Variants in COG3 observed in about 807,000 individuals in gnomAD.
The protein encoded by COG3 is component of oligomeric golgi complex 3, also known as conserved oligomeric Golgi complex subunit 3.
Under a neutral mutation model 114.1 loss-of-function variants are expected in COG3, and 32 were observed. That is an observed-to-expected ratio of 0.28 (90% CI 0.21 to 0.38). COG3 has a LOEUF of 0.38. Ranked by LOEUF, COG3 falls within the 10% of genes least tolerant of loss-of-function variation. COG3 has a pLI of 1.00. For missense variants in COG3, 813 were observed against 973.2 expected (o/e 0.84, Z 2.19); for synonymous variants, 352 against 365.7 (o/e 0.96, Z 0.43).
Position 45,486,542 on chromosome 13 carries a change from T to C in COG3, c.891T>C (p.Tyr297=). The change falls in exon 8 of 23, where the codon TAT becomes TAC. Residue 297 remains tyrosine, a synonymous_variant. Transcript: ENST00000349995. Reference sequence around the variant, plus strand: ...CAGACAATGCCTTCACATTATTTTATGTGAAATTTCGAGCTGCTGCCCCCA... The same window carrying C: ...CAGACAATGCCTTCACATTATTTTACGTGAAATTTCGAGCTGCTGCCCCCA... ...PNADNAFTLF[Y]VKFRAAAPKV... The C allele has an allele frequency of 4.3e-6, 7 of 1,611,510 alleles. No homozygotes were observed. The highest frequency in any genetic ancestry group is 5.1e-6 in the Non-Finnish European group (6 of 1,177,570).
chr13:45,506,046 G>A (rs992860090), intron 14 of COG3, among the ~76,000 whole-genome samples: 15 of 144,526 alleles, frequency 1.0e-4, no homozygotes, highest in African/African-American at 3.9e-4. Context: ...GTAGGCTCAT[G>A]CCATCACGCC....
intron 1 of COG3, among the ~76,000 whole-genome samples, chr13:45,469,492 A>G (rs1169368009): frequency 6.6e-6 from 1 of 152,244 alleles, no homozygotes; most frequent in Non-Finnish European, 1.5e-5. Flanking sequence ...CCTTTTAAAA[A>G]TCATTCTAAA....
At chr13:45,501,805 G>A (rs575507489) in intron 13 of COG3, among the ~76,000 whole-genome samples, 70 of 152,274 alleles carry the variant, frequency 4.6e-4, no homozygotes, top group Non-Finnish European at 7.6e-4. Flanking sequence ...CAATGCCTAG[G>A]TGGATAAATA....
intron 22 of COG3, chr13:45,531,116 TA>T: frequency 2.1e-6 from 2 of 971,486 alleles, no homozygotes; most frequent in Non-Finnish European, 1.2e-6. Flanking sequence ...ATAAGAGAAA[TA>T]CATTTTTTAA....
chr13:45,482,561 G>A (rs980272948), intron 6 of COG3, 88 bp downstream of exon 6: 19 of 615,988 alleles, frequency 3.1e-5, no homozygotes, highest in Non-Finnish European at 5.0e-5. Flanking sequence ...ACTTTTCTGT[G>A]TTTAGCAGAT....
chr13:45,518,138 T>C (rs1306126727), intron 17 of COG3, among the ~76,000 whole-genome samples: 1 of 152,252 alleles, frequency 6.6e-6, no homozygotes, highest in Non-Finnish European at 1.5e-5. Context: ...CATTTCATGC[T>C]TTGCTTTATC....
At chr13:45,491,320 A>G (rs1337775787) in intron 9 of COG3, 92 bp from the exon 10 acceptor site, 4 of 1,340,802 alleles carry the variant, frequency 3.0e-6, no homozygotes, top group Non-Finnish European at 3.1e-6. Flanking sequence ...TTATAGCTTT[A>G]AAAGAGGTTT....
Position 45,516,244 on chromosome 13 carries a change from G to A in COG3, c.1911G>A (p.Leu637=). 1 of 1,588,298 alleles carries A rather than the reference G, an allele frequency of 6.3e-7. No individual in the cohort carries two copies. The highest frequency in any genetic ancestry group is 2.3e-5 in the East Asian group (1 of 44,440). Residue 637 remains leucine, a synonymous_variant, in exon 17 of 23, where the codon CTG becomes CTA. Coordinates refer to ENST00000349995, the MANE Select transcript of COG3 (RefSeq NM_031431.4). ...AATTCACCATTAAGGAAATTTCCCTGGACCTCAAGAAAACTAGAGGTACTT... is the reference window on the plus strand; with the variant it reads ...AATTCACCATTAAGGAAATTTCCCTAGACCTCAAGAAAACTAGAGGTACTT... The part of the protein sequence containing the change: ...HTEFTIKEIS[L]DLKKTRDAAF...
intron 16 of COG3, chr13:45,512,064 C>T (rs9534170): frequency 0.039 from 18,829 of 479,496 alleles, 497 homozygotes; most frequent in Non-Finnish European, 0.047. Flanking sequence ...TGCTAAAGTA[C>T]CAAAAGTGGT....
intron 1 of COG3, among the ~76,000 whole-genome samples, chr13:45,473,944 G>A (rs1435273606): frequency 1.3e-5 from 2 of 152,154 alleles, no homozygotes; most frequent in East Asian, 3.9e-4. Flanking sequence ...TTATACTCAG[G>A]GATTGTGTTA....
chr13:45,523,788 C>T (rs1037579562), intron 19 of COG3, among the ~76,000 whole-genome samples: 4 of 152,124 alleles, frequency 2.6e-5, no homozygotes, highest in African/African-American at 9.7e-5. Context: ...AAAAAGTTCA[C>T]AGAACACTGT....
intron 1 of COG3, among the ~76,000 whole-genome samples, chr13:45,467,325 C>T (rs1885203020): frequency 6.6e-6 from 1 of 152,192 alleles, no homozygotes; most frequent in Non-Finnish European, 1.5e-5. Context: ...GGTGCGGTGG[C>T]CCACGCCTGT....
At chr13:45,514,363 G>T (rs962357633) in intron 16 of COG3, among the ~76,000 whole-genome samples, 1 of 152,100 alleles carries the variant, frequency 6.6e-6, no homozygotes, top group Non-Finnish European at 1.5e-5. Context: ...GTTTCACCGT[G>T]TTGGCCAGGC....
chr13:45,465,266 C>T, intron 1 of COG3, 56 bp downstream of exon 1: 1 of 1,589,290 alleles, frequency 6.3e-7, no homozygotes, highest in Admixed American at 1.7e-5. Flanking sequence ...TCTCCTCGGG[C>T]GCCCCGGCAG....
At position 45,519,556 on chromosome 13, in the gene COG3, T is replaced by C. The variant is rs535575365; in HGVS notation, c.2154+462T>C. ...TTGAGAACTGAAGACTTTTATAACA[T>C]AGCATTGTTAACTGTCAGATATATG... is the stretch of plus-strand genomic sequence containing the variant. On this transcript the variant is annotated intron_variant, in intron 19 of 22. Coordinates refer to ENST00000349995, the MANE Select transcript of COG3 (RefSeq NM_031431.4). Among the ~76,000 whole-genome samples the C allele has an allele frequency of 6.6e-5, 10 of 152,314 alleles. No individual in the cohort carries two copies. In the South Asian group the frequency reaches 1.9e-3, roughly 28 times the overall value.
Position 45,509,694 on chromosome 13 carries a change from T to C in COG3, c.1597T>C (p.Ser533Pro), listed in dbSNP as rs754472039. 3.1e-6 allele frequency: 5 copies of C among 1,613,528 alleles called. No individual in the cohort carries two copies. The South Asian group carries it at 5.5e-5, about 18-fold the overall frequency. Residue 533 changes from serine (S) to proline (P), a missense_variant and splice_region_variant, in exon 15 of 23, where the codon TCA (serine) becomes CCA (proline). Physicochemically the swap from Ser to Pro is moderately conservative, Grantham distance 74. This residue lies in a region of COG3 where 389 missense variants were observed against 542.6 expected (regional missense o/e 0.72). Transcript: ENST00000349995. ...CTTCTTTTCCACTTGGGTTTTAGGTTCAACAGAATCCCTCAATCCTAGACC... is the reference window on the plus strand; with the variant it reads ...CTTCTTTTCCACTTGGGTTTTAGGTCCAACAGAATCCCTCAATCCTAGACC... Reference protein sequence around the residue: ...GESNSLTKSGSTESLNPRPQT... With the variant: ...GESNSLTKSGPTESLNPRPQT...
In COG3 at chr13:45,491,527, C is replaced by T; in HGVS notation, c.1084C>T (p.His362Tyr). 6.2e-7 allele frequency: 1 copy of T among 1,610,554 alleles called. No individual in the cohort carries two copies. The highest frequency in any genetic ancestry group is 8.5e-7 in the Non-Finnish European group (1 of 1,178,836). Residue 362 changes from histidine (H) to tyrosine (Y), a missense_variant, in exon 10 of 23, where the codon CAC becomes TAC. Around this residue, in one of 2 missense-constraint regions of COG3, gnomAD observed 424 missense variants for 430.6 expected, o/e 0.98. Transcript: ENST00000349995. ...AELTSQNNRD[H>Y]CALVRSGCAF... ...GTTAACCAGCCAAAATAATAGAGATCACTGTGCCTTGGTAAGTTTCTACTT... is the reference window on the plus strand; with the variant it reads ...GTTAACCAGCCAAAATAATAGAGATTACTGTGCCTTGGTAAGTTTCTACTT...
At chr13:45,514,006 G>C (rs1418351006) in intron 16 of COG3, among the ~76,000 whole-genome samples, 1 of 151,930 alleles carries the variant, frequency 6.6e-6, no homozygotes, top group East Asian at 1.9e-4. Flanking sequence ...AAAGCTTTTA[G>C]GTGACTATGG....
chr13:45,504,787 C>T (rs537017093), intron 14 of COG3, among the ~76,000 whole-genome samples: 1 of 152,212 alleles, frequency 6.6e-6, no homozygotes, highest in South Asian at 2.1e-4. Flanking sequence ...TGCCATTGAG[C>T]GTGTGAAATG....
Sources: allele counts gnomAD v4.1 joint callset (sites outside exome capture counted in the v4.1 genomes callset), GRCh38; gene constraint gnomAD v4.1.1; regional missense constraint gnomAD v4.1.1; transcripts MANE v1.5; gene names NCBI Gene and HGNC (gene_info 2026-07-23, HGNC 2026-07-21).